The following MTHFD2 variants were observed in gnomAD, a reference collection of about 807,000 sequenced individuals.
MTHFD2 encodes the protein bifunctional methylenetetrahydrofolate dehydrogenase/cyclohydrolase, mitochondrial.
Under a neutral mutation model 36.8 loss-of-function variants are expected in MTHFD2, and 26 were observed. The ratio of observed to expected loss-of-function variants is 0.71; its 90% CI spans 0.52 to 0.98. The LOEUF (loss-of-function observed/expected upper bound fraction) is 0.98, where lower values mean the gene tolerates loss of function less well. MTHFD2 is among the 50% of genes least tolerant of loss of function. MTHFD2 has a pLI of 0.00. For missense variants in MTHFD2, 373 were observed against 434.0 expected, an observed-to-expected ratio of 0.86 and a Z score of 1.25; for synonymous variants, 164 against 155.2, an observed-to-expected ratio of 1.06 and a Z score of -0.42.
intron 5 of MTHFD2, among the ~76,000 whole-genome samples, chr2:74,210,427 G>A (rs575801806): frequency 6.6e-6 from 1 of 152,326 alleles, no homozygotes; most frequent in East Asian, 1.9e-4. Flanking sequence ...TGGTATGACT[G>A]TAATGTGTCC....
At chr2:74,202,574 G>A (rs1270306745) in intron 1 of MTHFD2, among the ~76,000 whole-genome samples, 2 of 151,834 alleles carry the variant, frequency 1.3e-5, no homozygotes, top group African/African-American at 2.4e-5. Flanking sequence ...GCAGTGGCAC[G>A]ATCTCCGCTC....
chr2:74,205,815 G>C lies in MTHFD2; in HGVS notation c.212G>C (p.Ser71Thr), dbSNP rs763094027. ...TCAGGCAACAAACGGCCACACCTGAGTGTGATCCTGGTTGGCGAGAATCCT... is the reference window on the plus strand; with the variant it reads ...TCAGGCAACAAACGGCCACACCTGACTGTGATCCTGGTTGGCGAGAATCCT... ...VASGNKRPHL[S>T]VILVGENPAS... The change falls in exon 2 of 8, where the codon AGT (serine) becomes ACT (threonine). Residue 71 changes from serine (S) to threonine (T), a missense_variant. Around this residue, in one of 2 missense-constraint regions of MTHFD2, gnomAD observed 308 missense variants for 397.8 expected, o/e 0.77. Transcript: ENST00000394053. 2.4e-5 allele frequency: 38 copies of C among 1,613,746 alleles called. No homozygotes were observed. Among genetic ancestry groups the C allele is most frequent in the Non-Finnish European group, 3.1e-5 (37 of 1,180,016 alleles).
intron 1 of MTHFD2, among the ~76,000 whole-genome samples, chr2:74,200,179 C>T (rs973936184): frequency 2.0e-5 from 3 of 152,118 alleles, no homozygotes; most frequent in Non-Finnish European, 4.4e-5. Context: ...TGTTTCGTTA[C>T]TGTGTGTTTT....
At chr2:74,201,425 A>G (rs1465244751) in intron 1 of MTHFD2, among the ~76,000 whole-genome samples, 1 of 150,340 alleles carries the variant, frequency 6.7e-6, no homozygotes, top group African/African-American at 2.5e-5. Context: ...TGCTGCAATC[A>G]CGGCTTACTG....
chr2:74,202,419 T>C (rs148156772), intron 1 of MTHFD2, among the ~76,000 whole-genome samples: 2 of 152,302 alleles, frequency 1.3e-5, no homozygotes, highest in East Asian at 3.8e-4. Context: ...ATTAGGAATG[T>C]ATTTTTGGCC....
chr2:74,199,859 T>C (rs920886358), intron 1 of MTHFD2, among the ~76,000 whole-genome samples: 1 of 152,218 alleles, frequency 6.6e-6, no homozygotes, highest in Non-Finnish European at 1.5e-5. Context: ...GGTCGGTCAT[T>C]AGAGCGCTGG....
At chr2:74,205,583 A>G (rs1694156731) in intron 1 of MTHFD2, 122 bp from the exon 2 acceptor site, 4 of 1,082,186 alleles carry the variant, frequency 3.7e-6, no homozygotes, top group Non-Finnish European at 5.3e-6. Flanking sequence ...GGCTCAAGCC[A>G]TCCTCCTGCC....
intron 1 of MTHFD2, among the ~76,000 whole-genome samples, chr2:74,203,061 C>T (rs373556224): frequency 2.6e-5 from 4 of 151,976 alleles, no homozygotes; most frequent in Admixed American, 6.6e-5. Flanking sequence ...AGTGCAGTGG[C>T]GTGATCTTGG....
In MTHFD2 at chr2:74,205,744, G is replaced by A. The variant is rs1694161255; in HGVS notation, c.141G>A (p.Gln47=). ...TCATTTCTGGAAGGAAACTGGCCCA[G>A]CAGATCAAGCAGGAAGTGCGGCAGG... ...AVVISGRKLA[Q]QIKQEVRQEV... Residue 47 remains glutamine (Q), a synonymous_variant, in exon 2 of 8, where the codon CAG becomes CAA. Transcript: ENST00000394053. 1 of 1,613,794 alleles carries A rather than the reference G, an allele frequency of 6.2e-7. No homozygotes were observed. Among genetic ancestry groups the A allele is most frequent in the Non-Finnish European group, 8.5e-7 (1 of 1,179,982 alleles).
chr2:74,210,201 G>A lies in MTHFD2; in HGVS notation c.670+152G>A, dbSNP rs910098280. ...GACAATTCAGGGAGTAACCTTTGTAGAGAAGCTGCACCCAGTGTCACCTGA... is the reference window on the plus strand; with the variant it reads ...GACAATTCAGGGAGTAACCTTTGTAAAGAAGCTGCACCCAGTGTCACCTGA... On this transcript the variant is annotated intron_variant, in intron 5 of 7. Transcript: ENST00000394053. The A allele has an allele frequency of 1.4e-5, 7 of 497,886 alleles. No individual in the cohort carries two copies. In the South Asian group the frequency reaches 1.4e-4, roughly 10 times the overall value. The allele number at this position is 497,886 out of a possible 1,614,324, so 30.8% of individuals were successfully genotyped here.
chr2:74,205,974 C>T (rs1294039922), intron 2 of MTHFD2, 85 bp downstream of exon 2: 1 of 1,437,046 alleles, frequency 7.0e-7, no homozygotes, highest in East Asian at 2.3e-5. Flanking sequence ...TTTCTTTTTT[C>T]TGATTAGGAA....
chr2:74,214,011 AATATATT>A, intron 7 of MTHFD2, 61 bp from the exon 8 acceptor site: 1 of 1,488,874 alleles, frequency 6.7e-7, no homozygotes, highest in Non-Finnish European at 9.1e-7. Flanking sequence ...CTTGTTTAAT[AATATATT>A]AAAGTACACA....
intron 2 of MTHFD2, chr2:74,206,351 A>G (rs1469290275): frequency 1.9e-5 from 3 of 154,336 alleles, no homozygotes; most frequent in African/African-American, 7.2e-5. Flanking sequence ...CTTCTGGGAA[A>G]TAGCTTTCAA....
rs71406865 is a variant in MTHFD2 at position 74,210,785 on chromosome 2, G to GTTTTTTTTTTTTTT, written c.671-410_671-397dup. Among the ~76,000 whole-genome samples the GTTTTTTTTTTTTTT allele has an allele frequency of 8.7e-3, 1,142 of 131,562 alleles. 59 individuals are homozygous for GTTTTTTTTTTTTTT. Among genetic ancestry groups the GTTTTTTTTTTTTTT allele is most frequent in the East Asian group, 0.03 (118 of 3,968 alleles). The allele number at this position is 131,562 out of a possible 152,430, so 86.3% of individuals were successfully genotyped here. On this transcript the variant is annotated intron_variant, in intron 5 of 7. Transcript: ENST00000394053. ...AAACATGGCACAAGCCATTAAGTCAGTTTTTTTTTTTTTTTTTCCTGGAGA... is the reference window on the plus strand; with the variant it reads ...AAACATGGCACAAGCCATTAAGTCAGTTTTTTTTTTTTTTTTTTTTTTTTTTTTTTTCCTGGAGA...
At chr2:74,202,117 C>T (rs4987191) in intron 1 of MTHFD2, among the ~76,000 whole-genome samples, 3,107 of 152,146 alleles carry the variant, frequency 0.02, 57 homozygotes, top group Non-Finnish European at 0.034. Context: ...AAGTTTACTG[C>T]TTTCAAAAGA....
rs1179435819 is a variant in MTHFD2 at position 74,214,315 on chromosome 2, A to G, written c.*73A>G. ...AGCAAAGCAGGCCAATAGAAATGCA[A>G]TATTTTTAATTTATTCTACTGAAAT... On this transcript the variant is annotated 3_prime_UTR_variant, in exon 8 of 8. Coordinates refer to ENST00000394053, the MANE Select transcript of MTHFD2 (RefSeq NM_006636.4). The G allele has an allele frequency of 1.7e-5, 25 of 1,488,560 alleles. No homozygotes were observed. Among genetic ancestry groups the G allele is most frequent in the Non-Finnish European group, 2.2e-5 (24 of 1,098,044 alleles). The allele number at this position is 1,488,560 out of a possible 1,614,324, so 92.2% of individuals were successfully genotyped here.
Position 74,205,751 on chromosome 2 carries a change from A to G in MTHFD2, c.148A>G (p.Lys50Glu), listed in dbSNP as rs778753965. 28 of 1,613,764 alleles carry G rather than the reference A, an allele frequency of 1.7e-5. No individual in the cohort carries two copies. Among genetic ancestry groups the G allele is most frequent in the Non-Finnish European group, 1.9e-5 (22 of 1,180,004 alleles). ...ISGRKLAQQI[K>E]QEVRQEVEEW... ...TGGAAGGAAACTGGCCCAGCAGATC[A>G]AGCAGGAAGTGCGGCAGGAGGTAGA... is the stretch of plus-strand genomic sequence containing the variant. Residue 50 changes from lysine (K) to glutamate (E), a missense_variant, in exon 2 of 8, where the codon AAG becomes GAG. Coordinates refer to ENST00000394053, the MANE Select transcript of MTHFD2 (RefSeq NM_006636.4).
At chr2:74,207,464 CTGT>C in intron 2 of MTHFD2, among the ~76,000 whole-genome samples, 1 of 152,194 alleles carries the variant, frequency 6.6e-6, no homozygotes, top group Non-Finnish European at 1.5e-5. Flanking sequence ...GAGCCTCAGT[CTGT>C]CTGTAAAATA....
chr2:74,214,192 G>A lies in MTHFD2; in HGVS notation c.1003G>A (p.Glu335Lys). 6.2e-7 allele frequency: 1 copy of A among 1,614,106 alleles called. No homozygotes were observed. The highest frequency in any genetic ancestry group is 8.5e-7 in the Non-Finnish European group (1 of 1,179,960). Residue 335 changes from glutamate (E) to lysine (K), a missense_variant, in exon 8 of 8, where the codon GAA (glutamate) becomes AAA (lysine). This residue lies in a region of MTHFD2 where 308 missense variants were observed against 397.8 expected (regional missense o/e 0.77). Transcript: ENST00000394053. Reference protein sequence around the residue: ...IIAAKKVLRLEEREVLKSKEL... With the variant: ...IIAAKKVLRLKEREVLKSKEL... ...TGCTGCAAAAAAGGTGCTGAGGCTT[G>A]AAGAGCGAGAAGTGCTGAAGTCTAA...
Sources: allele counts gnomAD v4.1 joint callset (sites outside exome capture counted in the v4.1 genomes callset), GRCh38; gene constraint gnomAD v4.1.1; regional missense constraint gnomAD v4.1.1; transcripts MANE v1.5; gene names NCBI Gene and HGNC (gene_info 2026-07-23, HGNC 2026-07-21).